COL6A3: variants seen among roughly 807,000 people sequenced by gnomAD.
COL6A3 encodes collagen alpha-3(VI) chain.
A neutral mutation model predicts 274.1 loss-of-function variants in COL6A3; 137 were observed. That is an observed-to-expected ratio of 0.50 (90% CI 0.44 to 0.58). The LOEUF is 0.58. Ranked by LOEUF, COL6A3 falls within the 20% of genes least tolerant of loss-of-function variation. The pLI is 0.00. For synonymous variants in COL6A3, 1,650 were observed against 1,650.6 expected, an observed-to-expected ratio of 1.00 and a Z score of 0.01; for missense variants, 3,950 against 4,124.9, an observed-to-expected ratio of 0.96 and a Z score of 1.16.
chr2:237,364,459 A>G lies in COL6A3; in HGVS notation c.5839-31T>C. The G allele has an allele frequency of 1.3e-6, 2 of 1,564,802 alleles. No homozygotes were observed. Among genetic ancestry groups the G allele is most frequent in the Non-Finnish European group, 1.8e-6 (2 of 1,135,526 alleles). ...GATAAGAGAGCTGTCAAATCCCAGG[A>G]AAACTAAAAAGGAGTGTTGCAGACT... is the stretch of plus-strand genomic sequence containing the variant. On this transcript the variant is annotated intron_variant, in intron 12 of 43. Transcript: ENST00000295550. This position sits in a 1 kb window ranked among gnomAD's most constrained non-coding sequence, Gnocchi z 4.6.
intron 4 of COL6A3, among the ~76,000 whole-genome samples, chr2:237,383,669 C>CTTTATA (rs1329136432): frequency 6.6e-6 from 1 of 152,026 alleles, no homozygotes; most frequent in Non-Finnish European, 1.5e-5. Context: ...TAACAATGAC[C>CTTTATA]TGAGAAGCTA....
rs763355681 is a variant in COL6A3 at position 237,395,139 on chromosome 2, C to T, written c.157G>A (p.Glu53Lys). The T allele has an allele frequency of 6.2e-7, 1 of 1,613,934 alleles. No homozygotes were observed. The highest frequency in any genetic ancestry group is 1.1e-5 in the South Asian group (1 of 91,064). The change falls in exon 3 of 44, where the codon GAA becomes AAA. Residue 53 changes from glutamate to lysine, a missense_variant. This residue lies in a region of COL6A3 where 1,934 missense variants were observed against 1,984.3 expected (regional missense o/e 0.97). Coordinates refer to ENST00000295550, the MANE Select transcript of COL6A3 (RefSeq NM_004369.4). ...AACTCTCGAACAAGTTGGAAATGTT[C>T]CTCTCCAATGGTCCAAGAGGAATCC... is the stretch of plus-strand genomic sequence containing the variant. ...LVDSSWTIGEEHFQLVREFLY... is the reference protein window; with the variant it reads ...LVDSSWTIGEKHFQLVREFLY...
chr2:237,385,948 C>G (rs567943169), intron 4 of COL6A3, among the ~76,000 whole-genome samples: 1 of 152,306 alleles, frequency 6.6e-6, no homozygotes, highest in East Asian at 1.9e-4. Flanking sequence ...AAAAGCTAAG[C>G]CACACAGAAT....
intron 2 of COL6A3, among the ~76,000 whole-genome samples, chr2:237,396,426 AGGT>A (rs1165970998): frequency 6.6e-6 from 1 of 152,236 alleles, no homozygotes; most frequent in Non-Finnish European, 1.5e-5. Flanking sequence ...AAGTCCCTTC[AGGT>A]GGTAAAACAT....
At position 237,363,796 on chromosome 2, in the gene COL6A3, T is replaced by C. The variant is rs548334193; in HGVS notation, c.5918-398A>G. Reference sequence around the variant, plus strand: ...AGTAAGCTAATAAATAGAAAGTTCTTAGGATAAATTACACTTCTGTAATGG... The same window carrying C: ...AGTAAGCTAATAAATAGAAAGTTCTCAGGATAAATTACACTTCTGTAATGG... On this transcript the variant is annotated intron_variant, in intron 13 of 43. Coordinates refer to ENST00000295550, the MANE Select transcript of COL6A3 (RefSeq NM_004369.4). Among the ~76,000 whole-genome samples the C allele has an allele frequency of 1.6e-4, 25 of 152,318 alleles. 1 individual carries two copies. The highest frequency in any genetic ancestry group is 1.4e-3 in the Admixed American group (21 of 15,298).
Position 237,371,822 on chromosome 2 carries a change from T to C in COL6A3, c.4195A>G (p.Ser1399Gly). ...GGCGTCAGCAGTTTCTGCTCCAGGC[T>C]GGGCAGCTCCCGGAAGGTGCTCACC... Reference protein sequence around the residue: ...FSVSTFRELPSLEQKLLTPIT... With the variant: ...FSVSTFRELPGLEQKLLTPIT... Residue 1399 changes from serine (S) to glycine (G), a missense_variant, in exon 9 of 44, where the codon AGC becomes GGC. Coordinates refer to ENST00000295550, the MANE Select transcript of COL6A3 (RefSeq NM_004369.4). The surrounding 1 kb of genome is among the most constrained non-coding windows in gnomAD (Gnocchi z 4.3). The C allele has an allele frequency of 6.2e-7, 1 of 1,613,770 alleles. No individual in the cohort carries two copies. The highest frequency in any genetic ancestry group is 1.7e-5 in the Admixed American group (1 of 60,020).
At chr2:237,403,218 C>T (rs932712547) in intron 1 of COL6A3, among the ~76,000 whole-genome samples, 1 of 152,100 alleles carries the variant, frequency 6.6e-6, no homozygotes. Context: ...AAGCTGGAGT[C>T]CAAATCTTGC....
chr2:237,340,862 A>G lies in COL6A3; in HGVS notation c.8054T>C (p.Val2685Ala). Residue 2685 changes from valine (V) to alanine (A), a missense_variant, in exon 38 of 44, where the codon GTG becomes GCG. By Grantham distance (64) the Val-to-Ala change is moderately conservative (BLOSUM62 0). Transcript: ENST00000295550. ...GCCATAGTCAGTCAGGGAGAATTCC[A>G]CCTTCACAGGTGGCATGCTGGCATT... ...VDNASMPPVK[V>A]EFSLTDYGSK... The G allele has an allele frequency of 1.2e-6, 2 of 1,613,934 alleles. No individual in the cohort carries two copies. The highest frequency in any genetic ancestry group is 1.7e-6 in the Non-Finnish European group (2 of 1,179,848).
At chr2:237,400,224 G>A (rs1001787587) in intron 1 of COL6A3, among the ~76,000 whole-genome samples, 1 of 152,184 alleles carries the variant, frequency 6.6e-6, no homozygotes, top group Non-Finnish European at 1.5e-5. Flanking sequence ...GCATCAGTGT[G>A]AATGAAAATC....
chr2:237,339,664 A>G (rs1191247635), intron 38 of COL6A3, among the ~76,000 whole-genome samples: 2 of 152,188 alleles, frequency 1.3e-5, no homozygotes, highest in African/African-American at 4.8e-5. Flanking sequence ...CATTTAGCAT[A>G]TACATGTTTA....
In COL6A3 at chr2:237,381,300, T is replaced by C. The variant is rs199969722; in HGVS notation, c.1512A>G (p.Thr504=). ...RPEFYFNTHP[T]KREVITAVRK... ...GCACAGCGGTTATGACTTCCCTTTT[T>C]GTTGGATGGGTATTGAAATAAAATT... Residue 504 remains threonine, a synonymous_variant, in exon 5 of 44, where the codon ACA becomes ACG. Transcript: ENST00000295550. 3.5e-5 allele frequency: 57 copies of C among 1,614,132 alleles called. No individual in the cohort carries two copies. The highest frequency in any genetic ancestry group is 4.5e-5 in the Non-Finnish European group (53 of 1,180,050).
intron 13 of COL6A3, 27 bp from the exon 14 acceptor site, chr2:237,363,425 G>A (rs544313420): frequency 1.2e-6 from 2 of 1,613,726 alleles, no homozygotes; most frequent in East Asian, 2.2e-5. Flanking sequence ...ATTTAATACA[G>A]CTCACCTAGG....
At chr2:237,359,003 C>T (rs772605635) in intron 20 of COL6A3, 32 bp downstream of exon 20, 2 of 1,602,650 alleles carry the variant, frequency 1.2e-6, no homozygotes, top group South Asian at 1.1e-5. Flanking sequence ...GATATTCTTT[C>T]CATAATAGCA....
chr2:237,335,933 C>A (rs531897962), intron 40 of COL6A3, among the ~76,000 whole-genome samples: 1 of 152,158 alleles, frequency 6.6e-6, no homozygotes, highest in Non-Finnish European at 1.5e-5. Flanking sequence ...CCATCCCTAT[C>A]GCAAGACAGG....
chr2:237,366,842 T>A lies in COL6A3; in HGVS notation c.5345A>T (p.Asp1782Val). 1 of 1,614,120 alleles carries A rather than the reference T, an allele frequency of 6.2e-7. No individual in the cohort carries two copies. Among genetic ancestry groups the A allele is most frequent in the Non-Finnish European group, 8.5e-7 (1 of 1,180,032 alleles). Residue 1782 changes from aspartate to valine, a missense_variant, in exon 11 of 44, where the codon GAC becomes GTC. This residue lies in a region of COL6A3 where 632 missense variants were observed against 623.4 expected (regional missense o/e 1.01). Coordinates refer to ENST00000295550, the MANE Select transcript of COL6A3 (RefSeq NM_004369.4). ...KVFAVGVRNI[D>V]SEEVGKIASN... The stretch of plus-strand genomic sequence containing the variant: ...CGCTATCTTTCCAACCTCCTCCGAG[T>A]CGATATTCCTCACTCCAACAGCAAA...
intron 3 of COL6A3, among the ~76,000 whole-genome samples, chr2:237,388,777 A>G (rs2078217275): frequency 6.6e-6 from 1 of 152,212 alleles, no homozygotes; most frequent in Non-Finnish European, 1.5e-5. Flanking sequence ...GACCTTGTAC[A>G]TGCAACTTCG....
At chr2:237,340,366 T>C in intron 38 of COL6A3, 86 bp downstream of exon 38, 2 of 1,262,266 alleles carry the variant, frequency 1.6e-6, no homozygotes, top group Admixed American at 1.8e-5. Flanking sequence ...AACACATCGG[T>C]TGTCTTTTCC....
Position 237,350,202 on chromosome 2 carries a change from G to A in COL6A3, c.6824C>T (p.Pro2275Leu). 6.2e-7 allele frequency: 1 copy of A among 1,614,050 alleles called. No individual in the cohort carries two copies. Among genetic ancestry groups the A allele is most frequent in the Non-Finnish European group, 8.5e-7 (1 of 1,179,972 alleles). Residue 2275 changes from proline to leucine, a missense_variant, in exon 28 of 44, where the codon CCC (proline) becomes CTC (leucine). This residue lies in a region of COL6A3 where 1,284 missense variants were observed against 1,349.7 expected (regional missense o/e 0.95). Transcript: ENST00000295550. The stretch of plus-strand genomic sequence containing the variant: ...TCCTCCTTTTGGTCCTGGCTCTCCG[G>A]GCTCACCCTAGACATGAGAAACATG... ...RTGPLGRKGE[P>L]GEPGPKGGIG...
At chr2:237,345,352 A>T in intron 32 of COL6A3, 139 bp from the exon 33 acceptor site, 2 of 780,516 alleles carry the variant, frequency 2.6e-6, no homozygotes, top group Admixed American at 2.1e-5. Flanking sequence ...CTCCCTCTAA[A>T]CCTGATCTTA....
Sources: gnomAD v4.1 joint callset for allele counts (sites outside exome capture counted in the v4.1 genomes callset) on GRCh38, gnomAD v4.1.1 for gene constraint, gnomAD v4.1.1 regional missense constraint, Gnocchi (gnomAD v3.1) non-coding constraint, MANE v1.5 for transcripts, NCBI Gene and HGNC (gene_info 2026-07-23, HGNC 2026-07-21) for gene names.